Variants in FRMPD3 observed in about 807,000 individuals in gnomAD.
FRMPD3 encodes the protein FERM and PDZ domain containing 3.
Under a neutral mutation model 97.9 loss-of-function variants are expected in FRMPD3, and 42 were observed. That is an observed-to-expected ratio of 0.43 (90% CI 0.34 to 0.55). The LOEUF is 0.55. FRMPD3 is among the 20% of genes least tolerant of loss of function. FRMPD3 has a pLI of 0.03. For synonymous variants in FRMPD3, 577 were observed against 581.1 expected, an observed-to-expected ratio of 0.99 and a Z score of 0.10; for missense variants, 1,303 against 1,457.7, an observed-to-expected ratio of 0.89 and a Z score of 1.73.
At chrX:107,505,299 A>G (rs946293981) in intron 1 of FRMPD3, among the ~76,000 whole-genome samples, 1 of 112,374 alleles carries the variant, frequency 8.9e-6, no homozygotes, top group African/African-American at 3.2e-5. Context: ...CAAAGGATAC[A>G]TGACTCATCC....
chrX:107,553,457 A>G (rs919489200), intron 7 of FRMPD3, among the ~76,000 whole-genome samples: 4 of 109,353 alleles, frequency 3.7e-5, no homozygotes, highest in Non-Finnish European at 7.6e-5. Context: ...AGCCCTCACC[A>G]TATGGAAAAG....
At chrX:107,579,693 T>C (rs969708015) in intron 13 of FRMPD3, among the ~76,000 whole-genome samples, 2 of 111,706 alleles carry the variant, frequency 1.8e-5, no homozygotes, top group African/African-American at 6.5e-5. Flanking sequence ...GCCAGTTCTC[T>C]ATCTGTAATG....
chrX:107,601,441 G>C lies in FRMPD3; in HGVS notation c.3402G>C (p.Gln1134His), dbSNP rs771774323. The change falls in exon 15 of 15, where the codon CAG (glutamine) becomes CAC (histidine). Residue 1134 changes from glutamine (Q) to histidine (H), a missense_variant. By Grantham distance (24) the Gln-to-His change is conservative. Around this residue, in one of 3 missense-constraint regions of FRMPD3, gnomAD observed 764 missense variants for 820.2 expected, o/e 0.93. Transcript: ENST00000683843. ...GAGCTACCTACCCCATGGCTCTGCA[G>C]AGCCCCAGCTGCCAGTCAAGAAGCC... Reference protein sequence around the residue: ...VPRATYPMALQSPSCQSRSHS... With the variant: ...VPRATYPMALHSPSCQSRSHS... The C allele has an allele frequency of 2.7e-5, 32 of 1,175,321 alleles. No individual in the cohort carries two copies. The highest frequency in any genetic ancestry group is 3.2e-5 in the Non-Finnish European group (28 of 878,825).
At chrX:107,595,052 C>T (rs1382665414) in intron 13 of FRMPD3, among the ~76,000 whole-genome samples, 1 of 111,373 alleles carries the variant, frequency 9.0e-6, no homozygotes, top group African/African-American at 3.3e-5. Context: ...CACGGTTGCT[C>T]ATGCCTGTAA....
chrX:107,525,593 A>G, intron 1 of FRMPD3: 1 of 558,898 alleles, frequency 1.8e-6, no homozygotes, highest in Non-Finnish European at 3.2e-6. Flanking sequence ...CTGGGCTTTC[A>G]GGCCTGCTGG....
rs191053033 is a variant in FRMPD3 at position 107,536,970 on chromosome X, A to G, written c.297+3420A>G. On this transcript the variant is annotated intron_variant, in intron 4 of 14. Coordinates refer to ENST00000683843, the MANE Select transcript of FRMPD3 (RefSeq NM_001388459.1). Reference sequence around the variant, plus strand: ...AACAAAGCAACCTAAACAAAACTCAAGTGTCCAAACTTAGGTGCAGAATAA... The same window carrying G: ...AACAAAGCAACCTAAACAAAACTCAGGTGTCCAAACTTAGGTGCAGAATAA... 2.8e-3 allele frequency among the ~76,000 whole-genome samples: 312 copies of G among 111,256 alleles called. 5 individuals are homozygous for G. Among genetic ancestry groups the G allele is most frequent in the African/African-American group, 9.4e-3 (289 of 30,610 alleles).
chrX:107,461,318 C>G (rs965583739), intron 1 of FRMPD3, among the ~76,000 whole-genome samples: 1 of 111,519 alleles, frequency 9.0e-6, no homozygotes, highest in Non-Finnish European at 1.9e-5. Context: ...AAAGCTCCTG[C>G]CCCTCTTCAG....
rs771161382 is a variant in FRMPD3 at position 107,603,086 on chromosome X, G to A, written c.5047G>A (p.Glu1683Lys). 4.1e-6 allele frequency: 5 copies of A among 1,210,632 alleles called. No homozygotes were observed. Among genetic ancestry groups the A allele is most frequent in the South Asian group, 1.8e-5 (1 of 56,956 alleles). The change falls in exon 15 of 15, where the codon GAG becomes AAG. Residue 1683 changes from glutamate to lysine, a missense_variant. By Grantham distance (56) the Glu-to-Lys change is moderately conservative. Coordinates refer to ENST00000683843, the MANE Select transcript of FRMPD3 (RefSeq NM_001388459.1). The stretch of plus-strand genomic sequence containing the variant: ...GCGGCTGGTGTTCATTGTGCGCTCC[G>A]AGGCCCAGCGCCAAGAGCTGCTGGC... ...FVRLVFIVRS[E>K]AQRQELLAKV...
intron 5 of FRMPD3, among the ~76,000 whole-genome samples, chrX:107,548,004 T>C (rs1454199536): frequency 2.0e-5 from 2 of 98,091 alleles, no homozygotes; most frequent in East Asian, 5.8e-4. Context: ...CTTCCCACCT[T>C]GTTTCCACAG....
At chrX:107,476,615 T>C (rs1314778347) in intron 1 of FRMPD3, among the ~76,000 whole-genome samples, 1 of 112,477 alleles carries the variant, frequency 8.9e-6, no homozygotes, top group East Asian at 2.8e-4. Context: ...ACTAGCACAG[T>C]GCCTGGCATT....
intron 3 of FRMPD3, 82 bp downstream of exon 3, chrX:107,530,593 C>T (rs982230950): frequency 8.6e-6 from 6 of 694,522 alleles, no homozygotes; most frequent in Admixed American, 8.2e-5. Context: ...CTATCCCCCC[C>T]TCGCTCTGAG....
At chrX:107,513,733 T>A (rs962479920) in intron 1 of FRMPD3, among the ~76,000 whole-genome samples, 11 of 112,338 alleles carry the variant, frequency 9.8e-5, no homozygotes, top group African/African-American at 3.6e-4. Context: ...AAACTGCATG[T>A]AAAGGCCAGA....
intron 1 of FRMPD3, among the ~76,000 whole-genome samples, chrX:107,519,797 C>T (rs778361938): frequency 8.1e-5 from 9 of 111,321 alleles, no homozygotes; most frequent in Middle Eastern, 4.7e-3. Flanking sequence ...CTGCAGGTCC[C>T]GGAGGACTTG....
At chrX:107,588,728 T>G (rs914113775) in intron 13 of FRMPD3, among the ~76,000 whole-genome samples, 2 of 112,337 alleles carry the variant, frequency 1.8e-5, no homozygotes, top group African/African-American at 6.5e-5. Context: ...AATTGTAGGT[T>G]TGGTCTTTTT....
rs1332192042 is a variant in FRMPD3 at position 107,531,137 on chromosome X, C to A, written c.251+626C>A. Among the ~76,000 whole-genome samples, 13 of 110,159 alleles carry A rather than the reference C, an allele frequency of 1.2e-4. No homozygotes were observed. The Admixed American group carries it at 1.3e-3, about 11-fold the overall frequency. On this transcript the variant is annotated intron_variant, in intron 3 of 14. Transcript: ENST00000683843. ...ACACACACACACACACACACACACA[C>A]ACACACACACCATACACACTCTCCT...
chrX:107,458,535 G>A (rs898489060), intron 1 of FRMPD3, among the ~76,000 whole-genome samples: 3 of 111,538 alleles, frequency 2.7e-5, no homozygotes, highest in African/African-American at 9.8e-5. Flanking sequence ...GGGAGGCACA[G>A]CATAGGGAAA....
chrX:107,504,210 A>T (rs1406646681), intron 1 of FRMPD3, among the ~76,000 whole-genome samples: 1 of 112,840 alleles, frequency 8.9e-6, no homozygotes, highest in African/African-American at 3.2e-5. Flanking sequence ...TCCCCCAGGG[A>T]CTTGCTGACT....
chrX:107,560,261 G>A lies in FRMPD3; in HGVS notation c.767G>A (p.Arg256Gln), dbSNP rs1434750366. 2.5e-6 allele frequency: 3 copies of A among 1,208,033 alleles called. No individual in the cohort carries two copies. Among genetic ancestry groups the A allele is most frequent in the Non-Finnish European group, 3.4e-6 (3 of 894,612 alleles). Residue 256 changes from arginine (R) to glutamine (Q), a missense_variant, in exon 9 of 15, where the codon CGG becomes CAG. Arg to Gln is a conservative substitution (Grantham distance 43). Around this residue, in one of 3 missense-constraint regions of FRMPD3, gnomAD observed 535 missense variants for 618.6 expected, o/e 0.86. Transcript: ENST00000683843. The stretch of plus-strand genomic sequence containing the variant: ...TTGGACTGCCCTCTCTCACAGAGTC[G>A]GAATGATGTTATTCGAGAACGCTTT... ...AAFEYLYIQS[R>Q]NDVIRERFGM... is the part of the protein sequence containing the mutation.
chrX:107,461,530 A>G (rs1165150256), intron 1 of FRMPD3, among the ~76,000 whole-genome samples: 1 of 110,377 alleles, frequency 9.1e-6, no homozygotes, highest in African/African-American at 3.3e-5. Flanking sequence ...TCATTACCTC[A>G]TGCTTAGATT....
Sources: allele counts gnomAD v4.1 joint callset (sites outside exome capture counted in the v4.1 genomes callset), GRCh38; gene constraint gnomAD v4.1.1; regional missense constraint gnomAD v4.1.1; transcripts MANE v1.5; gene names NCBI Gene and HGNC (gene_info 2026-07-23, HGNC 2026-07-21).